The following PLXNA4 variants were observed in gnomAD, a reference collection of about 807,000 sequenced individuals.
The protein encoded by PLXNA4 is plexin A4.
PLXNA4 carries 44 observed loss-of-function variants against 191.8 expected under a neutral mutation model. The ratio of observed to expected loss-of-function variants is 0.23; its 90% CI spans 0.18 to 0.29. PLXNA4 has a LOEUF of 0.29. Ranked by LOEUF, PLXNA4 falls within the 10% of genes least tolerant of loss-of-function variation. The pLI is 1.00. For missense variants in PLXNA4, 1,800 were observed against 2,488.8 expected (o/e 0.72, Z 5.89); for synonymous variants, 1,082 against 1,009.5 (o/e 1.07, Z -1.36).
chr7:132,524,819 G>A (rs974976045), intron 1 of PLXNA4, among the ~76,000 whole-genome samples: 4 of 152,016 alleles, frequency 2.6e-5, no homozygotes, highest in South Asian at 2.1e-4. Context: ...CACCCGCCTC[G>A]GCCTCCCAAA....
Position 132,293,010 on chromosome 7 carries a change from G to GT in PLXNA4, c.1503+5080dup, listed in dbSNP as rs944318013. On this transcript the variant is annotated intron_variant, in intron 4 of 31. Transcript: ENST00000321063. Reference sequence around the variant, plus strand: ...GGGCTCAGGGACAGAACAAAGGCCTGTTTGCTGGTACACGGAGAGCCAGGG... The same window carrying GT: ...GGGCTCAGGGACAGAACAAAGGCCTGTTTTGCTGGTACACGGAGAGCCAGGG... 3.9e-5 allele frequency among the ~76,000 whole-genome samples: 6 copies of GT among 152,308 alleles called. No homozygotes were observed. In the East Asian group the frequency reaches 7.7e-4, roughly 20 times the overall value.
chr7:132,590,380 T>C (rs182749564), intron 2 of PLXNA4, among the ~76,000 whole-genome samples: 8 of 151,668 alleles, frequency 5.3e-5, no homozygotes, highest in African/African-American at 1.9e-4. Context: ...TAAAGAGGAG[T>C]TTATTAAGGA....
chr7:132,502,485 G>A (rs866515153), intron 2 of PLXNA4, among the ~76,000 whole-genome samples: 1 of 152,168 alleles, frequency 6.6e-6, no homozygotes, highest in Non-Finnish European at 1.5e-5. Context: ...GAGGCTTCTG[G>A]AAATGTGAGA....
intron 29 of PLXNA4, among the ~76,000 whole-genome samples, chr7:132,141,811 C>T (rs189558340): frequency 1.7e-4 from 26 of 152,280 alleles, no homozygotes; most frequent in Non-Finnish European, 3.1e-4. Flanking sequence ...CTCATTGCAA[C>T]CTCTGCCTCC....
At chr7:132,189,350 A>G (rs1287784939) in intron 14 of PLXNA4, among the ~76,000 whole-genome samples, 1 of 152,126 alleles carries the variant, frequency 6.6e-6, no homozygotes, top group African/African-American at 2.4e-5. Flanking sequence ...ACAGGAAATC[A>G]AATTCTGCAT....
At chr7:132,168,610 G>A in intron 21 of PLXNA4, 38 bp from the exon 22 acceptor site, 1 of 1,531,884 alleles carries the variant, frequency 6.5e-7, no homozygotes, top group Non-Finnish European at 8.8e-7. Flanking sequence ...CCATTGGCAG[G>A]TTGGGGAGCT....
chr7:132,305,538 A>C (rs1292732560), intron 3 of PLXNA4, among the ~76,000 whole-genome samples: 1 of 152,128 alleles, frequency 6.6e-6, no homozygotes, highest in Non-Finnish European at 1.5e-5. Flanking sequence ...ACCGCCACCT[A>C]TCTCCATCCC....
intron 3 of PLXNA4, among the ~76,000 whole-genome samples, chr7:132,433,590 G>A (rs1486534299): frequency 6.6e-6 from 1 of 152,162 alleles, no homozygotes; most frequent in East Asian, 1.9e-4. Flanking sequence ...TGTGCATGAA[G>A]CTTCCTCTCT....
chr7:132,582,159 C>T (rs1802414213), upstream of PLXNA4, among the ~76,000 whole-genome samples: 1 of 152,178 alleles, frequency 6.6e-6, no homozygotes, highest in African/African-American at 2.4e-5. Flanking sequence ...TCACGTCTCC[C>T]ACATGGCACC....
At chr7:132,174,046 G>A (rs1273287200) in intron 21 of PLXNA4, among the ~76,000 whole-genome samples, 3 of 152,180 alleles carry the variant, frequency 2.0e-5, no homozygotes, top group African/African-American at 7.2e-5. Context: ...ATGAAAGCAT[G>A]CAAAGGGCTT....
At chr7:132,344,191 C>G (rs11761311) in intron 3 of PLXNA4, among the ~76,000 whole-genome samples, 5,489 of 152,262 alleles carry the variant, frequency 0.036, 159 homozygotes, top group Middle Eastern at 0.071. Flanking sequence ...GTCCACAGCA[C>G]AGAAGGGGTG....
At chr7:132,318,224 G>A (rs1414230878) in intron 3 of PLXNA4, among the ~76,000 whole-genome samples, 2 of 152,188 alleles carry the variant, frequency 1.3e-5, no homozygotes, top group African/African-American at 4.8e-5. Context: ...TTCCTAGCCA[G>A]ACAGGTGATT....
chr7:132,246,467 A>C (rs1212101235), intron 4 of PLXNA4, among the ~76,000 whole-genome samples: 1 of 152,138 alleles, frequency 6.6e-6, no homozygotes, highest in Non-Finnish European at 1.5e-5. Flanking sequence ...CCCATTCCAA[A>C]AGGCCTAGAC....
At chr7:132,376,871 C>T (rs1374883076) in intron 3 of PLXNA4, among the ~76,000 whole-genome samples, 1 of 152,212 alleles carries the variant, frequency 6.6e-6, no homozygotes, top group Non-Finnish European at 1.5e-5. Context: ...CCAGGTCAAC[C>T]TTCGGTGCCA....
chr7:132,127,763 C>A lies in PLXNA4; in HGVS notation c.*2716G>T, dbSNP rs987797865. ...CCTCCCCCAGGAGAAATGGGGACAG[C>A]CAGAAAATTTGTCTGTCCTTGTCTC... On this transcript the variant is annotated 3_prime_UTR_variant, in exon 32 of 32. Transcript: ENST00000321063. The A allele has an allele frequency of 6.6e-6, 1 of 151,760 alleles. No homozygotes were observed. Among genetic ancestry groups the A allele is most frequent in the African/African-American group, 2.4e-5 (1 of 41,064 alleles). 9.4% of individuals were successfully genotyped at this position (151,760 alleles called of 1,614,324 possible). A position where few individuals can be genotyped will look rare whatever the true frequency, so the allele number is the denominator to read the frequency against.
chr7:132,218,054 C>T (rs1255919573), intron 9 of PLXNA4, among the ~76,000 whole-genome samples: 1 of 151,954 alleles, frequency 6.6e-6, no homozygotes, highest in Non-Finnish European at 1.5e-5. Context: ...CTCCAGAGTC[C>T]AGTCGGTGGG....
chr7:132,130,858 A>G (rs1272543883), intron 31 of PLXNA4, among the ~76,000 whole-genome samples: 4 of 152,162 alleles, frequency 2.6e-5, no homozygotes, highest in African/African-American at 9.6e-5. Flanking sequence ...AAGATGGTAG[A>G]CAGAGGGCAG....
In PLXNA4 at chr7:132,160,511, G is replaced by A. The variant is rs187272203; in HGVS notation, c.4501-879C>T. On this transcript the variant is annotated intron_variant, in intron 24 of 31. Transcript: ENST00000321063. The stretch of plus-strand genomic sequence containing the variant: ...TCTCACAGTGGGATCTTTCTACATC[G>A]ACGGCACCGTGTGGGCTCCTGGGTG... Among the ~76,000 whole-genome samples, 11 of 152,104 alleles carry A rather than the reference G, an allele frequency of 7.2e-5. No individual in the cohort carries two copies. In the East Asian group the frequency reaches 1.4e-3, roughly 19 times the overall value.
At chr7:132,175,038 A>G in intron 20 of PLXNA4, 118 bp from the exon 21 acceptor site, 1 of 1,453,826 alleles carries the variant, frequency 6.9e-7, no homozygotes, top group Non-Finnish European at 9.2e-7. Context: ...ATGGACCACG[A>G]TGGGCGGGAA....
Sources: allele counts gnomAD v4.1 joint callset (sites outside exome capture counted in the v4.1 genomes callset), GRCh38; gene constraint gnomAD v4.1.1; transcripts MANE v1.5; gene names NCBI Gene and HGNC (gene_info 2026-07-23, HGNC 2026-07-21).